TTC7A: variants seen among roughly 807,000 people sequenced by gnomAD.
The protein encoded by TTC7A is tetratricopeptide repeat domain 7A.
Under a neutral mutation model 103.7 loss-of-function variants are expected in TTC7A, and 110 were observed. That is an observed-to-expected ratio of 1.06 (90% CI 0.91 to 1.24). TTC7A has a LOEUF of 1.24. Ranked by LOEUF, TTC7A falls within the 50% of genes most tolerant of loss-of-function variation. The pLI is 0.00. For missense variants in TTC7A, 1,340 were observed against 1,116.3 expected, an observed-to-expected ratio of 1.20 and a Z score of -2.86; for synonymous variants, 521 against 467.9, an observed-to-expected ratio of 1.11 and a Z score of -1.47.
chr2:47,070,844 A>G (rs1573102949), intron 19 of TTC7A, among the ~76,000 whole-genome samples: 1 of 152,176 alleles, frequency 6.6e-6, no homozygotes, highest in South Asian at 2.1e-4. Flanking sequence ...ACCATAAACA[A>G]CTTGGACATC....
At chr2:46,940,079 G>C (rs529476351), upstream of TTC7A, among the ~76,000 whole-genome samples, 1 of 152,228 alleles carries the variant, frequency 6.6e-6, no homozygotes, top group African/African-American at 2.4e-5. The surrounding 1 kb of genome is among the most constrained non-coding windows in gnomAD (Gnocchi z 4.7). Flanking sequence ...CAGGAAGACT[G>C]TCTTCAACTA....
At chr2:47,064,561 C>G (rs910649207) in intron 19 of TTC7A, among the ~76,000 whole-genome samples, 1 of 152,216 alleles carries the variant, frequency 6.6e-6, no homozygotes, top group Non-Finnish European at 1.5e-5. Context: ...AGGAAGGGAC[C>G]CCCGGCAGCC....
intron 8 of TTC7A, among the ~76,000 whole-genome samples, chr2:47,005,531 C>T: frequency 6.6e-6 from 1 of 152,170 alleles, no homozygotes; most frequent in Non-Finnish European, 1.5e-5. Flanking sequence ...GACATGGCAC[C>T]TGAATACAAG....
chr2:46,916,101 G>T, upstream of TTC7A: 2 of 985,584 alleles, frequency 2.0e-6, no homozygotes, highest in Non-Finnish European at 2.4e-6. Context: ...GGCGACGTAG[G>T]ATGGCGGATC....
In TTC7A at chr2:47,073,898, TCTC is replaced by T; in HGVS notation, c.2554_2556del (p.Ser852del). The T allele has an allele frequency of 6.2e-7, 1 of 1,612,768 alleles. No homozygotes were observed. The highest frequency in any genetic ancestry group is 8.5e-7 in the Non-Finnish European group (1 of 1,179,910). On this transcript the variant is annotated inframe_deletion, in exon 20 of 20. Coordinates refer to ENST00000319190, the MANE Select transcript of TTC7A (RefSeq NM_020458.4). ...GAGGCCAGCAGCCCTGTACTGCCCT[TCTC>T]CATCATCCCCAGAGAGCTCTGACGA...
intron 2 of TTC7A, among the ~76,000 whole-genome samples, chr2:46,933,902 C>A (rs1238731790): frequency 6.6e-6 from 1 of 152,084 alleles, no homozygotes; most frequent in Non-Finnish European, 1.5e-5. Flanking sequence ...TAAGGGACCC[C>A]ACATGGTAAG....
intron 15 of TTC7A, among the ~76,000 whole-genome samples, chr2:47,032,854 T>A (rs1484474530): frequency 8.1e-6 from 1 of 123,766 alleles, no homozygotes; most frequent in Non-Finnish European, 1.6e-5. Context: ...CTCTGTTGTT[T>A]TAAGCAAAAA....
At chr2:47,002,039 C>T (rs1487537263) in intron 8 of TTC7A, among the ~76,000 whole-genome samples, 1 of 152,164 alleles carries the variant, frequency 6.6e-6, no homozygotes, top group African/African-American at 2.4e-5. Flanking sequence ...GCTAGCAGTG[C>T]TGAGCTGTTG....
chr2:46,926,667 A>G (rs975708903), intron 2 of TTC7A, among the ~76,000 whole-genome samples: 1 of 152,238 alleles, frequency 6.6e-6, no homozygotes, highest in African/African-American at 2.4e-5. Context: ...AGAAGAATAT[A>G]AAATTATCCT....
chr2:46,930,191 A>G (rs1669617218), intron 2 of TTC7A, among the ~76,000 whole-genome samples: 2 of 152,194 alleles, frequency 1.3e-5, no homozygotes, highest in South Asian at 4.1e-4. Flanking sequence ...GGAAAGCAAC[A>G]TGTAATAGAG....
chr2:47,013,224 G>A (rs1248117267), intron 11 of TTC7A, among the ~76,000 whole-genome samples: 1 of 152,198 alleles, frequency 6.6e-6, no homozygotes, highest in East Asian at 1.9e-4. Flanking sequence ...CCAGGCCCTT[G>A]CATCACAGCT....
intron 15 of TTC7A, among the ~76,000 whole-genome samples, chr2:47,043,656 C>T (rs1682004058): frequency 6.6e-6 from 1 of 152,152 alleles, no homozygotes; most frequent in South Asian, 2.1e-4. Context: ...CACCTGCCAG[C>T]CCAAGGAAAT....
chr2:47,027,708 G>A (rs1572955683), intron 14 of TTC7A, among the ~76,000 whole-genome samples: 1 of 152,144 alleles, frequency 6.6e-6, no homozygotes, highest in Admixed American at 6.5e-5. Flanking sequence ...GGTGGGGGCT[G>A]CCTCAGGCAG....
intron 2 of TTC7A, among the ~76,000 whole-genome samples, chr2:46,931,973 A>G (rs76646803): frequency 6.6e-6 from 1 of 152,218 alleles, no homozygotes; most frequent in Non-Finnish European, 1.5e-5. Context: ...AAAGTATTTC[A>G]CCATATTAAT....
intron 18 of TTC7A, among the ~76,000 whole-genome samples, chr2:47,057,911 C>G (rs1683449272): frequency 6.6e-6 from 1 of 152,198 alleles, no homozygotes; most frequent in Non-Finnish European, 1.5e-5. Flanking sequence ...GTCCTGGTCT[C>G]TGAAGTGGTT....
rs5830931 is a variant in TTC7A, at chr2:46,980,216, CTT to C, written c.764+1329_764+1330del. Among the ~76,000 whole-genome samples the C allele has an allele frequency of 1.8e-3, 225 of 124,104 alleles. 1 individual carries two copies. Among genetic ancestry groups the C allele is most frequent in the Non-Finnish European group, 1.8e-3 (105 of 59,720 alleles). The allele number at this position is 124,104 out of a possible 152,430, so 81.4% of individuals were successfully genotyped here. On this transcript the variant is annotated intron_variant, in intron 5 of 19. Transcript: ENST00000319190. ...TTTTCTTCTACCCTATACTCTCTCT[CTT>C]TTTTTTTTTTTTTTTTTTTAAAGAC... is the stretch of plus-strand genomic sequence containing the variant.
chr2:46,941,982 G>T lies in TTC7A; in HGVS notation c.184+257G>T, dbSNP rs1365342700. 1 of 574,840 alleles carries T rather than the reference G, an allele frequency of 1.7e-6. No individual in the cohort carries two copies. The highest frequency in any genetic ancestry group is 1.9e-5 in the African/African-American group (1 of 52,830). The allele number at this position is 574,840 out of a possible 1,614,324, so 35.6% of individuals were successfully genotyped here. A position where few individuals can be genotyped will look rare whatever the true frequency, so the allele number is the denominator to read the frequency against. On this transcript the variant is annotated intron_variant, in intron 1 of 19. Coordinates refer to ENST00000319190, the MANE Select transcript of TTC7A (RefSeq NM_020458.4). This position sits in a 1 kb window ranked among gnomAD's most constrained non-coding sequence, Gnocchi z 4.2. The stretch of plus-strand genomic sequence containing the variant: ...GATAATGTGGCTAACTCTGTCTACC[G>T]TGAAATGGTGGTATCTGCATATCAT...
At chr2:47,000,711 T>G (rs1676721001) in intron 8 of TTC7A, among the ~76,000 whole-genome samples, 1 of 152,100 alleles carries the variant, frequency 6.6e-6, no homozygotes, top group Non-Finnish European at 1.5e-5. Flanking sequence ...GAGACTTGTT[T>G]CTGGGGTAGT....
At chr2:47,061,040 C>T (rs147127550) in intron 19 of TTC7A, 69 bp downstream of exon 19, 30,074 of 1,450,924 alleles carry the variant, frequency 0.021, 356 homozygotes, top group Non-Finnish European at 0.024. Flanking sequence ...CCGCTTTGTC[C>T]CTCCTTGTCC....
Sources: allele counts gnomAD v4.1 joint callset (sites outside exome capture counted in the v4.1 genomes callset), GRCh38; gene constraint gnomAD v4.1.1; non-coding constraint Gnocchi (gnomAD v3.1); transcripts MANE v1.5; gene names NCBI Gene and HGNC (gene_info 2026-07-23, HGNC 2026-07-21).